The following ENPP4 variants were observed in gnomAD, a reference collection of about 807,000 sequenced individuals.
ENPP4 encodes the protein bis(5'-adenosyl)-triphosphatase ENPP4.
A neutral mutation model predicts 33.4 loss-of-function variants in ENPP4; 18 were observed. The ratio of observed to expected loss-of-function variants is 0.54; its 90% confidence interval spans 0.37 to 0.80. ENPP4 has a LOEUF of 0.80. ENPP4 is among the 30% of genes least tolerant of loss of function. The probability of loss-of-function intolerance (pLI) is 0.00; values close to 1 mark genes in which losing one functional copy is unlikely to be tolerated. For synonymous variants in ENPP4, 172 were observed against 189.9 expected (o/e 0.91, Z 0.78); for missense variants, 480 against 541.7 (o/e 0.89, Z 1.13).
Position 46,145,964 on chromosome 6 carries a change from A to T in ENPP4, c.*2324A>T, listed in dbSNP as rs1764134330. ...CCTTTAGTACACTGAGAAAAATCTT[A>T]TAGTAAAACTAGCCTTTCACATTAA... is the stretch of plus-strand genomic sequence containing the variant. On this transcript the variant is annotated 3_prime_UTR_variant, in exon 4 of 4. Transcript: ENST00000321037. 6.6e-6 allele frequency: 1 copy of T among 151,882 alleles called. No homozygotes were observed. Among genetic ancestry groups the T allele is most frequent in the African/African-American group, 2.4e-5 (1 of 41,408 alleles). The allele number at this position is 151,882 out of a possible 1,614,324, so 9.4% of individuals were successfully genotyped here.
At position 46,143,297 on chromosome 6, in the gene ENPP4, ATTC is replaced by A. The variant is rs1272020183; in HGVS notation, c.1022_1024del (p.Ser341del). The A allele has an allele frequency of 6.3e-7, 1 of 1,587,294 alleles. No individual in the cohort carries two copies. The highest frequency in any genetic ancestry group is 1.7e-5 in the Admixed American group (1 of 58,342). On this transcript the variant is annotated inframe_deletion, in exon 4 of 4. Transcript: ENST00000321037. ...TCAGTAGGTGACCATGGTTATGATA[ATTC>A]TTTGCCTAGTATGCATCCATTTCTA...
chr6:46,142,084 G>C (rs1764069927), intron 3 of ENPP4, among the ~76,000 whole-genome samples: 1 of 151,356 alleles, frequency 6.6e-6, no homozygotes, highest in South Asian at 2.1e-4. Context: ...TAGCAATTTA[G>C]AAGTATCAGG....
At chr6:46,142,526 A>G (rs1764082723) in intron 3 of ENPP4, among the ~76,000 whole-genome samples, 1 of 148,416 alleles carries the variant, frequency 6.7e-6, no homozygotes, top group African/African-American at 2.5e-5. Flanking sequence ...AAATCTTTAT[A>G]TATTCTGCTT....
intron 1 of ENPP4, among the ~76,000 whole-genome samples, chr6:46,134,225 A>G (rs1386197887): frequency 6.6e-6 from 1 of 152,066 alleles, no homozygotes; most frequent in African/African-American, 2.4e-5. Flanking sequence ...ACACATCCTC[A>G]TTTTACACAC....
At chr6:46,139,518 T>C in intron 1 of ENPP4, 33 bp from the exon 2 acceptor site, 1 of 848,556 alleles carries the variant, frequency 1.2e-6, no homozygotes, top group Non-Finnish European at 1.9e-6. Context: ...TGAAATAGAA[T>C]TACTACTTAT....
chr6:46,141,235 T>G lies in ENPP4; in HGVS notation c.997+13T>G, dbSNP rs763536170. The stretch of plus-strand genomic sequence containing the variant: ...TCATCACAAAAATGTAAGTATTTAG[T>G]TGAGATATTTCTGTTGTATCCTAGG... On this transcript the variant is annotated intron_variant, in intron 3 of 3. Coordinates refer to ENST00000321037, the MANE Select transcript of ENPP4 (RefSeq NM_014936.5). 4 of 1,595,362 alleles carry G rather than the reference T, an allele frequency of 2.5e-6. No homozygotes were observed. The highest frequency in any genetic ancestry group is 1.7e-5 in the Admixed American group (1 of 59,228).
Position 46,139,928 on chromosome 6 carries a change from G to A in ENPP4, c.345G>A (p.Glu115=), listed in dbSNP as rs1764031572. 6.2e-7 allele frequency: 1 copy of A among 1,612,862 alleles called. No individual in the cohort carries two copies. The highest frequency in any genetic ancestry group is 8.5e-7 in the Non-Finnish European group (1 of 1,179,142). The change falls in exon 2 of 4, where the codon GAG becomes GAA. Residue 115 remains glutamate (E), a synonymous_variant. Transcript: ENST00000321037. ...SNDKDPFWWN[E]AVPIWVTNQL... ...ACAAGGATCCTTTTTGGTGGAATGA[G>A]GCAGTACCTATTTGGGTGACCAATC...
chr6:46,135,491 T>C (rs1219672727), intron 1 of ENPP4, among the ~76,000 whole-genome samples: 1 of 152,102 alleles, frequency 6.6e-6, no homozygotes, highest in Non-Finnish European at 1.5e-5. Flanking sequence ...TTTCAGCTCA[T>C]GCTCATTTTT....
chr6:46,143,701 A>C lies in ENPP4; in HGVS notation c.*61A>C. 1 of 1,448,354 alleles carries C rather than the reference A, an allele frequency of 6.9e-7. No homozygotes were observed. Among genetic ancestry groups the C allele is most frequent in the Non-Finnish European group, 9.4e-7 (1 of 1,065,118 alleles). 89.7% of individuals were successfully genotyped at this position (1,448,354 alleles called of 1,614,324 possible). On this transcript the variant is annotated 3_prime_UTR_variant, in exon 4 of 4. Coordinates refer to ENST00000321037, the MANE Select transcript of ENPP4 (RefSeq NM_014936.5). ...ATCACAAAACTAAGAATACATCCAA[A>C]GAATAGTGTTGTAACTATGAAAAAG...
In ENPP4 at chr6:46,143,317, C is replaced by G. The variant is rs751836493; in HGVS notation, c.1039C>G (p.Pro347Ala). The G allele has an allele frequency of 6.2e-7, 1 of 1,605,316 alleles. No individual in the cohort carries two copies. The highest frequency in any genetic ancestry group is 1.7e-5 in the Admixed American group (1 of 59,726). Residue 347 changes from proline to alanine, a missense_variant, in exon 4 of 4, where the codon CCA (proline) becomes GCA (alanine). By Grantham distance (27) the Pro-to-Ala change is conservative. Coordinates refer to ENST00000321037, the MANE Select transcript of ENPP4 (RefSeq NM_014936.5). ...TGATAATTCTTTGCCTAGTATGCATCCATTTCTAGCTGCCCACGGACCTGC... is the reference window on the plus strand; with the variant it reads ...TGATAATTCTTTGCCTAGTATGCATGCATTTCTAGCTGCCCACGGACCTGC... ...GYDNSLPSMH[P>A]FLAAHGPAFH...
rs772471899 is a variant in ENPP4, at chr6:46,139,621, T to C, written c.38T>C (p.Ile13Thr). The change falls in exon 2 of 4, where the codon ATA becomes ACA. Residue 13 changes from isoleucine (I) to threonine (T), a missense_variant. By Grantham distance (89) the Ile-to-Thr change is moderately conservative. Coordinates refer to ENST00000321037, the MANE Select transcript of ENPP4 (RefSeq NM_014936.5). ...LLVILLFSGLITGFRSDSSSS... is the reference protein window; with the variant it reads ...LLVILLFSGLTTGFRSDSSSS... Reference sequence around the variant, plus strand: ...GTAATACTTTTGTTTTCTGGACTTATAACTGGTTTTAGAAGTGACTCTTCC... The same window carrying C: ...GTAATACTTTTGTTTTCTGGACTTACAACTGGTTTTAGAAGTGACTCTTCC... The C allele has an allele frequency of 3.0e-5, 49 of 1,608,146 alleles. 1 individual carries two copies. In the South Asian group the frequency reaches 3.2e-4, roughly 10 times the overall value.
chr6:46,138,066 T>G (rs544855367), intron 1 of ENPP4, among the ~76,000 whole-genome samples: 22 of 151,978 alleles, frequency 1.4e-4, no homozygotes, highest in African/African-American at 5.3e-4. Flanking sequence ...CGTTACCATG[T>G]TCAGGGTCTT....
rs540512804 is a variant in ENPP4 at position 46,135,360 on chromosome 6, C to A, written c.-33-4191C>A. 6.6e-5 allele frequency among the ~76,000 whole-genome samples: 10 copies of A among 152,108 alleles called. No homozygotes were observed. The South Asian group carries it at 1.9e-3, about 28-fold the overall frequency. ...GTTGTTATCTATTTTATTTACTCAT[C>A]CTTCGGGGTGTGAAATGGTACCTTA... On this transcript the variant is annotated intron_variant, in intron 1 of 3. Coordinates refer to ENST00000321037, the MANE Select transcript of ENPP4 (RefSeq NM_014936.5).
chr6:46,142,795 A>C (rs1394523377), intron 3 of ENPP4, among the ~76,000 whole-genome samples: 1 of 151,720 alleles, frequency 6.6e-6, no homozygotes. Context: ...GAGTCACCAG[A>C]TTAGACAACA....
intron 1 of ENPP4, among the ~76,000 whole-genome samples, chr6:46,136,762 A>C (rs1385564087): frequency 6.6e-6 from 1 of 151,926 alleles, no homozygotes; most frequent in African/African-American, 2.4e-5. Context: ...AAGGTGGTTG[A>C]GGTAGAAAGG....
At chr6:46,131,654 G>A (rs1407979800) in intron 1 of ENPP4, among the ~76,000 whole-genome samples, 2 of 151,944 alleles carry the variant, frequency 1.3e-5, no homozygotes, top group Non-Finnish European at 2.9e-5. Flanking sequence ...ATGATTTATA[G>A]TCCTTTGGGT....
chr6:46,138,103 G>A (rs1255891064), intron 1 of ENPP4, among the ~76,000 whole-genome samples: 2 of 151,726 alleles, frequency 1.3e-5, no homozygotes, highest in Non-Finnish European at 2.9e-5. Context: ...GCATTCACTT[G>A]TTGCATTCTA....
rs1370504922 is a variant in ENPP4 at position 46,139,661 on chromosome 6, T to C, written c.78T>C (p.Pro26=). 6.2e-7 allele frequency: 1 copy of C among 1,610,892 alleles called. No individual in the cohort carries two copies. Among genetic ancestry groups the C allele is most frequent in the African/African-American group, 1.3e-5 (1 of 74,778 alleles). ...FRSDSSSSLP[P]KLLLVSFDGF... is the part of the protein sequence containing the mutation. ...GTGACTCTTCCTCTAGTTTGCCACC[T>C]AAGTTACTACTAGTATCCTTTGATG... Residue 26 remains proline (P), a synonymous_variant, in exon 2 of 4, where the codon CCT becomes CCC. Coordinates refer to ENST00000321037, the MANE Select transcript of ENPP4 (RefSeq NM_014936.5).
At chr6:46,136,528 A>G (rs1190870515) in intron 1 of ENPP4, among the ~76,000 whole-genome samples, 1 of 151,984 alleles carries the variant, frequency 6.6e-6, no homozygotes, top group African/African-American at 2.4e-5. Context: ...GCAATGAAGT[A>G]TGGTGAATGG....
Sources: gnomAD v4.1 joint callset for allele counts (sites outside exome capture counted in the v4.1 genomes callset) on GRCh38, gnomAD v4.1.1 for gene constraint, MANE v1.5 for transcripts, NCBI Gene and HGNC (gene_info 2026-07-23, HGNC 2026-07-21) for gene names.